LRRC49: variants seen among roughly 807,000 people sequenced by gnomAD.
LRRC49 encodes the protein leucine rich repeat containing 49, also known as leucine-rich repeat-containing protein 49.
In LRRC49, 50 loss-of-function variants were observed where a neutral mutation model predicts 83.3. The ratio of observed to expected loss-of-function variants is 0.60; its 90% CI spans 0.48 to 0.76. LRRC49 has a LOEUF of 0.76. Ranked by LOEUF, LRRC49 falls within the 30% of genes least tolerant of loss-of-function variation. LRRC49 has a pLI of 0.00. For missense variants in LRRC49, 704 were observed against 809.1 expected, an observed-to-expected ratio of 0.87 and a Z score of 1.58; for synonymous variants, 286 against 283.3, an observed-to-expected ratio of 1.01 and a Z score of -0.10.
chr15:71,012,061 T>TTG (rs1421796963), intron 13 of LRRC49, among the ~76,000 whole-genome samples: 5 of 152,124 alleles, frequency 3.3e-5, no homozygotes, highest in African/African-American at 4.8e-5. Flanking sequence ...TAAACATGTC[T>TTG]CCAGACATTG....
At chr15:70,997,704 T>C (rs931197031) in intron 11 of LRRC49, among the ~76,000 whole-genome samples, 3 of 152,226 alleles carry the variant, frequency 2.0e-5, no homozygotes, top group Non-Finnish European at 2.9e-5. Flanking sequence ...TGAGCCAAGA[T>C]TGTGCCATTG....
intron 1 of LRRC49, among the ~76,000 whole-genome samples, chr15:70,855,355 GAAAA>G (rs375399739): frequency 6.9e-6 from 1 of 145,460 alleles, no homozygotes; most frequent in Admixed American, 7.2e-5. Context: ...AAAAGAAAAA[GAAAA>G]AAAAAGAAAG....
intron 11 of LRRC49, among the ~76,000 whole-genome samples, chr15:71,006,684 G>A (rs944192574): frequency 1.2e-4 from 19 of 152,078 alleles, no homozygotes; most frequent in South Asian, 2.1e-4. Context: ...TATAGTAATC[G>A]TGACAAAATT....
At chr15:70,987,195 G>A (rs374245312) in intron 11 of LRRC49, among the ~76,000 whole-genome samples, 1 of 152,052 alleles carries the variant, frequency 6.6e-6, no homozygotes, top group Non-Finnish European at 1.5e-5. Flanking sequence ...GATTGGAATA[G>A]TTTCAGAAGG....
chr15:70,893,100 C>G lies in LRRC49; in HGVS notation c.48+158C>G, dbSNP rs2033658873. On this transcript the variant is annotated intron_variant, in intron 1 of 15. Coordinates refer to ENST00000260382, the MANE Select transcript of LRRC49 (RefSeq NM_017691.5). ...TTGAGGTTCGTGGGCTGGACCAAGG[C>G]ACAATTTAATATTGTATGATGGGTA... The G allele has an allele frequency of 4.0e-5, 31 of 780,162 alleles. No individual in the cohort carries two copies. The South Asian group carries it at 4.6e-4, about 12-fold the overall frequency. The allele number at this position is 780,162 out of a possible 1,614,324, so 48.3% of individuals were successfully genotyped here. A position where few individuals can be genotyped will look rare whatever the true frequency, so the allele number is the denominator to read the frequency against.
chr15:70,923,570 C>A (rs1391124967), intron 7 of LRRC49, among the ~76,000 whole-genome samples: 1 of 151,754 alleles, frequency 6.6e-6, no homozygotes, highest in Non-Finnish European at 1.5e-5. Flanking sequence ...ATACTTATTA[C>A]CTTAATGTTT....
chr15:70,879,650 T>C (rs536176196), intron 2 of LRRC49, among the ~76,000 whole-genome samples: 1 of 152,068 alleles, frequency 6.6e-6, no homozygotes, highest in East Asian at 1.9e-4. Flanking sequence ...AGATTTGGGG[T>C]CTCCTCCCCT....
chr15:70,969,148 T>A (rs1048670025), intron 9 of LRRC49, among the ~76,000 whole-genome samples: 2 of 152,198 alleles, frequency 1.3e-5, no homozygotes, highest in African/African-American at 4.8e-5. Context: ...CTATTTTGAA[T>A]TAATTTTTGT....
exon 2 of LRRC49, chr15:70,873,090 G>A (rs112268937): frequency 9.7e-5 from 76 of 783,078 alleles, no homozygotes; most frequent in Non-Finnish European, 1.5e-4. Flanking sequence ...TCACCATCTT[G>A]GCCAGGCTGG....
chr15:70,994,329 T>C (rs1295393229), intron 11 of LRRC49, among the ~76,000 whole-genome samples: 1 of 152,228 alleles, frequency 6.6e-6, no homozygotes, highest in Admixed American at 6.5e-5. Flanking sequence ...ATTTCACTTA[T>C]CTGTTTTAAT....
At chr15:70,885,682 A>G (rs2033387711) in intron 2 of LRRC49, among the ~76,000 whole-genome samples, 1 of 152,206 alleles carries the variant, frequency 6.6e-6, no homozygotes, top group South Asian at 2.1e-4. Context: ...ACCTAATAAC[A>G]TTGCTAATAA....
At chr15:70,924,445 T>G (rs1283237216) in intron 7 of LRRC49, among the ~76,000 whole-genome samples, 1 of 151,996 alleles carries the variant, frequency 6.6e-6, no homozygotes, top group Non-Finnish European at 1.5e-5. Context: ...CTTATTCACT[T>G]TAATGCTTAC....
intron 11 of LRRC49, among the ~76,000 whole-genome samples, chr15:70,993,103 G>A (rs539405328): frequency 4.9e-4 from 75 of 152,264 alleles, no homozygotes; most frequent in African/African-American, 1.7e-3. Flanking sequence ...CGCAAGCCTC[G>A]CTGCCACCTT....
At chr15:70,896,070 G>A in intron 3 of LRRC49, 134 bp downstream of exon 3, 1 of 577,204 alleles carries the variant, frequency 1.7e-6, no homozygotes, top group Non-Finnish European at 3.0e-6. Flanking sequence ...AAATTGGTTT[G>A]GTATTTTTTT....
chr15:70,928,160 G>A (rs556852867), intron 7 of LRRC49, among the ~76,000 whole-genome samples: 57 of 152,028 alleles, frequency 3.7e-4, no homozygotes, highest in African/African-American at 1.0e-3. Flanking sequence ...ATTCGTCTAC[G>A]TAATATATAC....
At chr15:70,892,411 C>G, upstream of LRRC49, 1 of 1,539,856 alleles carries the variant, frequency 6.5e-7, no homozygotes, top group Non-Finnish European at 8.7e-7. Flanking sequence ...TTCCCTACCT[C>G]TGGTCACCGG....
chr15:70,924,166 G>A (rs1354263502), intron 7 of LRRC49, among the ~76,000 whole-genome samples: 1 of 151,890 alleles, frequency 6.6e-6, no homozygotes, highest in Non-Finnish European at 1.5e-5. Context: ...TCAGAGAAAA[G>A]ATGCTGAGTT....
intron 15 of LRRC49, among the ~76,000 whole-genome samples, chr15:71,040,348 A>C (rs2039661099): frequency 1.3e-5 from 2 of 152,122 alleles, no homozygotes; most frequent in Admixed American, 1.3e-4. Flanking sequence ...TCCATACCTT[A>C]TATAATCCCC....
intron 15 of LRRC49, among the ~76,000 whole-genome samples, chr15:71,043,212 C>T (rs2039750663): frequency 6.6e-6 from 1 of 152,096 alleles, no homozygotes; most frequent in South Asian, 2.1e-4. Flanking sequence ...CCTTGTTTCC[C>T]ACTTATAAAA....
Sources: gnomAD v4.1 joint callset for allele counts (sites outside exome capture counted in the v4.1 genomes callset) on GRCh38, gnomAD v4.1.1 for gene constraint, MANE v1.5 for transcripts, NCBI Gene and HGNC (gene_info 2026-07-23, HGNC 2026-07-21) for gene names.